Variants in FES observed in about 807,000 individuals in gnomAD.
FES encodes the protein tyrosine-protein kinase Fes/Fps.
A neutral mutation model predicts 109.6 loss-of-function variants in FES; 83 were observed. That is an observed-to-expected ratio of 0.76 (90% CI 0.63 to 0.91). FES has a LOEUF of 0.91. Ranked by LOEUF, FES falls within the 40% of genes least tolerant of loss-of-function variation. The pLI is 0.00. For missense variants in FES, 943 were observed against 1,070.9 expected (o/e 0.88, Z 1.67); for synonymous variants, 458 against 442.1 (o/e 1.04, Z -0.45).
At position 90,889,661 on chromosome 15, in the gene FES, C is replaced by T. The variant is rs1037045012; in HGVS notation, c.926+25C>T. 1 of 1,611,440 alleles carries T rather than the reference C, an allele frequency of 6.2e-7. No individual in the cohort carries two copies. On this transcript the variant is annotated intron_variant, in intron 7 of 18. Transcript: ENST00000328850. This position sits in a 1 kb window ranked among gnomAD's most constrained non-coding sequence, Gnocchi z 6.1. The stretch of plus-strand genomic sequence containing the variant: ...CGTGGGTGGTGGCTTTGCACCTGGG[C>T]TGCGGCGGGGCTCCCAGCAGACCAC...
chr15:90,887,398 C>G, intron 5 of FES, 28 bp downstream of exon 5: 1 of 1,583,566 alleles, frequency 6.3e-7, no homozygotes, highest in Non-Finnish European at 8.6e-7. Flanking sequence ...TCCCCTGGCC[C>G]CCACCCTTGA....
At chr15:90,895,096 C>T (rs2033590230) in intron 18 of FES, among the ~76,000 whole-genome samples, 1 of 152,102 alleles carries the variant, frequency 6.6e-6, no homozygotes, top group African/African-American at 2.4e-5. Flanking sequence ...TAGAATATCC[C>T]TGTAGCTACT....
chr15:90,889,780 G>T lies in FES; in HGVS notation c.927-60G>T. 1 of 1,609,020 alleles carries T rather than the reference G, an allele frequency of 6.2e-7. No individual in the cohort carries two copies. The highest frequency in any genetic ancestry group is 8.5e-7 in the Non-Finnish European group (1 of 1,177,470). On this transcript the variant is annotated intron_variant, in intron 7 of 18. Coordinates refer to ENST00000328850, the MANE Select transcript of FES (RefSeq NM_002005.4). This position sits in a 1 kb window ranked among gnomAD's most constrained non-coding sequence, Gnocchi z 6.1. ...TTGCTTGGCTCTACAGGGATGCACT[G>T]GACCTGGGTTGAGGGGGCAGGAGGG...
Position 90,891,538 on chromosome 15 carries a change from G to C in FES, c.1531-16G>C. ...TCAGAATGGAGGCTGCTGACCCCGG[G>C]TCCCCTGCCCTGCAGAACCTGTACC... On this transcript the variant is annotated splice_polypyrimidine_tract_variant and intron_variant, in intron 11 of 18. Transcript: ENST00000328850. 3 of 1,613,292 alleles carry C rather than the reference G, an allele frequency of 1.9e-6. No homozygotes were observed. The highest frequency in any genetic ancestry group is 2.5e-6 in the Non-Finnish European group (3 of 1,179,936).
chr15:90,889,811 T>A lies in FES; in HGVS notation c.927-29T>A, dbSNP rs957964098. 6.2e-7 allele frequency: 1 copy of A among 1,612,140 alleles called. No homozygotes were observed. Among genetic ancestry groups the A allele is most frequent in the Non-Finnish European group, 8.5e-7 (1 of 1,179,204 alleles). On this transcript the variant is annotated intron_variant, in intron 7 of 18. Transcript: ENST00000328850. This position sits in a 1 kb window ranked among gnomAD's most constrained non-coding sequence, Gnocchi z 6.1. ...GGGTTGAGGGGGCAGGAGGGCTCGG[T>A]TCTAATGCTGCCCTTCTCTTGGGTG...
In FES at chr15:90,889,381, G is replaced by A. The variant is rs754782887; in HGVS notation, c.744G>A (p.Met248Ile). ...AGGTGGTGGCCATTCACCGGGAGAT[G>A]GCTGCAGCTGCTGCCCGCATCCAGC... ...QDEVVAIHRE[M>I]AAAAARIQPE... Residue 248 changes from methionine to isoleucine, a missense_variant, in exon 6 of 19, where the codon ATG becomes ATA. Physicochemically the swap from Met to Ile is conservative, Grantham distance 10. Coordinates refer to ENST00000328850, the MANE Select transcript of FES (RefSeq NM_002005.4). This position sits in a 1 kb window ranked among gnomAD's most constrained non-coding sequence, Gnocchi z 6.1. 3.7e-6 allele frequency: 6 copies of A among 1,613,978 alleles called. No individual in the cohort carries two copies. In the South Asian group the frequency reaches 6.6e-5, roughly 18 times the overall value.
At chr15:90,892,906 A>C in intron 14 of FES, 81 bp downstream of exon 14, 1 of 1,478,470 alleles carries the variant, frequency 6.8e-7, no homozygotes, top group East Asian at 2.3e-5. Context: ...GTGCTTGACC[A>C]CCGTGGTGGT....
In FES at chr15:90,889,583, G is replaced by A. The variant is rs150990462; in HGVS notation, c.873G>A (p.Leu291=). The A allele has an allele frequency of 1.3e-4, 212 of 1,613,678 alleles. No individual in the cohort carries two copies. The African/African-American group carries it at 2.6e-3, about 20-fold the overall frequency. The change falls in exon 7 of 19, where the codon CTG becomes CTA. Residue 291 remains leucine (L), a synonymous_variant. Transcript: ENST00000328850. The surrounding 1 kb of genome is among the most constrained non-coding windows in gnomAD (Gnocchi z 6.1). The part of the protein sequence containing the change: ...DESLLEEGEP[L]EPGELQLNEL... Reference sequence around the variant, plus strand: ...CACTGCTTGAGGAGGGTGAACCGCTGGAGCCTGGGGAGCTCCAGCTGAACG... The same window carrying A: ...CACTGCTTGAGGAGGGTGAACCGCTAGAGCCTGGGGAGCTCCAGCTGAACG...
At chr15:90,890,600 T>A in intron 10 of FES, 116 bp downstream of exon 10, 1 of 951,750 alleles carries the variant, frequency 1.1e-6, no homozygotes, top group South Asian at 1.5e-5. Context: ...CTCTCTTCCC[T>A]GGGATTCCAG....
At chr15:90,891,492 C>T (rs748889740) in intron 11 of FES, 62 bp from the exon 12 acceptor site, 7 of 1,608,528 alleles carry the variant, frequency 4.4e-6, no homozygotes, top group East Asian at 4.5e-5. Flanking sequence ...TCCCTTTCCC[C>T]CTCCCAGGGC....
At position 90,889,462 on chromosome 15, in the gene FES, C is replaced by A. The variant is rs368207980; in HGVS notation, c.806+19C>A. Reference sequence around the variant, plus strand: ...AGTATGGGTAAGCCCCGTCCTTGCTCCTGCTGGGCCCAGGGCTGCTGGCCT... The same window carrying A: ...AGTATGGGTAAGCCCCGTCCTTGCTACTGCTGGGCCCAGGGCTGCTGGCCT... On this transcript the variant is annotated intron_variant, in intron 6 of 18. Transcript: ENST00000328850. This position sits in a 1 kb window ranked among gnomAD's most constrained non-coding sequence, Gnocchi z 6.1. The A allele has an allele frequency of 3.7e-6, 6 of 1,613,908 alleles. No individual in the cohort carries two copies. The highest frequency in any genetic ancestry group is 5.1e-6 in the Non-Finnish European group (6 of 1,179,944).
chr15:90,890,929 G>A (rs1039362573), intron 10 of FES, 53 bp from the exon 11 acceptor site: 6 of 1,517,644 alleles, frequency 4.0e-6, no homozygotes, highest in Non-Finnish European at 4.4e-6. Flanking sequence ...CTGCCCCCAC[G>A]GCCTCTTCAA....
At chr15:90,888,366 C>T (rs2151251849) in intron 5 of FES, among the ~76,000 whole-genome samples, 1 of 152,342 alleles carries the variant, frequency 6.6e-6, no homozygotes. Context: ...CTCTGCCTCC[C>T]AAAGTGCCGG....
At chr15:90,890,558 G>T in intron 10 of FES, 74 bp downstream of exon 10, 2 of 1,368,118 alleles carry the variant, frequency 1.5e-6, no homozygotes, top group East Asian at 2.4e-5. Flanking sequence ...TAGAGAGGAG[G>T]CTCTGCCCAG....
intron 8 of FES, 50 bp from the exon 9 acceptor site, chr15:90,890,042 C>G: frequency 6.3e-7 from 1 of 1,579,630 alleles, no homozygotes; most frequent in Non-Finnish European, 8.6e-7. Flanking sequence ...CTACCCGCCG[C>G]AGACCGAGCC....
rs923887642 is a variant in FES at position 90,893,212 on chromosome 15, A to T, written c.1921+18A>T. ...TGTGCAGGGTGAGCGCGGGGCGCTG[A>T]GCTCCAGGTAGGGCGCGCAGCCTGG... On this transcript the variant is annotated intron_variant, in intron 15 of 18. Coordinates refer to ENST00000328850, the MANE Select transcript of FES (RefSeq NM_002005.4). The T allele has an allele frequency of 2.5e-6, 4 of 1,613,458 alleles. No individual in the cohort carries two copies. The highest frequency in any genetic ancestry group is 3.4e-6 in the Non-Finnish European group (4 of 1,179,858).
chr15:90,887,490 T>G, intron 5 of FES, 120 bp downstream of exon 5: 1 of 1,073,666 alleles, frequency 9.3e-7, no homozygotes, highest in Non-Finnish European at 1.3e-6. Context: ...TGTAACCACA[T>G]GAGAACGGGA....
chr15:90,892,195 C>G lies in FES; in HGVS notation c.1707+84C>G, dbSNP rs1227953171. On this transcript the variant is annotated intron_variant, in intron 13 of 18. Coordinates refer to ENST00000328850, the MANE Select transcript of FES (RefSeq NM_002005.4). ...GCCCCCTGCCCTACCACCCAGAGAC[C>G]TCCCTGCCCCATCTGATTCCCCACT... The G allele has an allele frequency of 2.1e-4, 312 of 1,458,276 alleles. 3 individuals are homozygous for G. The highest frequency in any genetic ancestry group is 6.7e-6 in the Non-Finnish European group (7 of 1,046,356). The allele number at this position is 1,458,276 out of a possible 1,614,324, so 90.3% of individuals were successfully genotyped here.
At chr15:90,893,045 G>A (rs1011984020) in intron 14 of FES, 55 bp from the exon 15 acceptor site, 1 of 1,565,476 alleles carries the variant, frequency 6.4e-7, no homozygotes, top group African/African-American at 1.4e-5. Context: ...CATCCCTGGG[G>A]GGCCCTGGGG....
Sources: gnomAD v4.1 joint callset for allele counts (sites outside exome capture counted in the v4.1 genomes callset) on GRCh38, gnomAD v4.1.1 for gene constraint, Gnocchi (gnomAD v3.1) non-coding constraint, MANE v1.5 for transcripts, NCBI Gene and HGNC (gene_info 2026-07-23, HGNC 2026-07-21) for gene names.